The following LPGAT1 variants were observed in gnomAD, a reference collection of about 807,000 sequenced individuals.
The protein encoded by LPGAT1 is lysophosphatidylglycerol acyltransferase 1.
A neutral mutation model predicts 47.5 loss-of-function variants in LPGAT1; 11 were observed. The ratio of observed to expected loss-of-function variants is 0.23; its 90% CI spans 0.15 to 0.38. LPGAT1 has a LOEUF of 0.38. LPGAT1 is among the 10% of genes least tolerant of loss of function. LPGAT1 has a pLI of 1.00. For synonymous variants in LPGAT1, 138 were observed against 144.2 expected, an observed-to-expected ratio of 0.96 and a Z score of 0.31; for missense variants, 293 against 439.0, an observed-to-expected ratio of 0.67 and a Z score of 2.97.
Position 211,748,234 on chromosome 1 carries a change from C to T in LPGAT1, c.*1665G>A, listed in dbSNP as rs1409733699. On this transcript the variant is annotated 3_prime_UTR_variant, in exon 8 of 8. Coordinates refer to ENST00000366997, the MANE Select transcript of LPGAT1 (RefSeq NM_014873.3). ...ACTGACTTACTAGGATCTTAATAGTCTTACAATCCCAAACAAAAACCCTAC... is the reference window on the plus strand; with the variant it reads ...ACTGACTTACTAGGATCTTAATAGTTTTACAATCCCAAACAAAAACCCTAC... 1 of 152,624 alleles carries T rather than the reference C, an allele frequency of 6.6e-6. No individual in the cohort carries two copies. Among genetic ancestry groups the T allele is most frequent in the Admixed American group, 6.5e-5 (1 of 15,280 alleles). 9.5% of individuals were successfully genotyped at this position (152,624 alleles called of 1,614,324 possible). A position where few individuals can be genotyped will look rare whatever the true frequency, so the allele number is the denominator to read the frequency against.
intron 3 of LPGAT1, among the ~76,000 whole-genome samples, chr1:211,791,714 T>G (rs573870649): frequency 3.5e-4 from 47 of 132,746 alleles, no homozygotes; most frequent in African/African-American, 1.3e-3. Flanking sequence ...GCCACTGCAC[T>G]CCAGCCTGGG....
chr1:211,764,795 C>G (rs560218948), intron 6 of LPGAT1, among the ~76,000 whole-genome samples: 3 of 152,188 alleles, frequency 2.0e-5, no homozygotes, highest in Non-Finnish European at 2.9e-5. Context: ...GGTAGCAAAC[C>G]TAGGGACATA....
intron 2 of LPGAT1, among the ~76,000 whole-genome samples, chr1:211,802,792 G>C (rs925971757): frequency 7.2e-5 from 11 of 152,082 alleles, no homozygotes; most frequent in African/African-American, 2.7e-4. Context: ...ACATCAAATG[G>C]CTAGCACAGT....
At position 211,830,677 on chromosome 1, in the gene LPGAT1, C is replaced by G. The variant is rs1035149745; in HGVS notation, c.-132G>C. 1.7e-5 allele frequency: 20 copies of G among 1,191,902 alleles called. No homozygotes were observed. The African/African-American group carries it at 2.7e-4, about 16-fold the overall frequency. The allele number at this position is 1,191,902 out of a possible 1,614,324, so 73.8% of individuals were successfully genotyped here. On this transcript the variant is annotated 5_prime_UTR_variant, in exon 1 of 8. Transcript: ENST00000366997. This position sits in a 1 kb window ranked among gnomAD's most constrained non-coding sequence, Gnocchi z 5.9. ...GAAGAAGGCGGTGGCGGGGCCCTGCCCCGCTCCGGCTGTGGCGCGGCCCGC... is the reference window on the plus strand; with the variant it reads ...GAAGAAGGCGGTGGCGGGGCCCTGCGCCGCTCCGGCTGTGGCGCGGCCCGC...
chr1:211,794,148 A>G (rs1200621749), intron 2 of LPGAT1, among the ~76,000 whole-genome samples: 1 of 152,238 alleles, frequency 6.6e-6, no homozygotes, highest in Non-Finnish European at 1.5e-5. Flanking sequence ...CAGACATAAT[A>G]ATGCATACTT....
chr1:211,757,298 C>T (rs1657503010), intron 6 of LPGAT1, among the ~76,000 whole-genome samples: 1 of 151,508 alleles, frequency 6.6e-6, no homozygotes, highest in Non-Finnish European at 1.5e-5. Flanking sequence ...GGGTTGAATC[C>T]TGACTCTACC....
At chr1:211,792,752 G>C (rs187906850) in intron 3 of LPGAT1, among the ~76,000 whole-genome samples, 30 of 98,466 alleles carry the variant, frequency 3.0e-4, no homozygotes, top group Non-Finnish European at 2.2e-4. Context: ...TTGCTCTGTT[G>C]CTAGGCTGGA....
At chr1:211,750,075 G>A in intron 7 of LPGAT1, 25 bp from the exon 8 acceptor site, 1 of 1,605,228 alleles carries the variant, frequency 6.2e-7, no homozygotes, top group South Asian at 1.1e-5. Flanking sequence ...AGAAATATTA[G>A]TTTGTTTTAC....
Position 211,778,983 on chromosome 1 carries a change from T to C in LPGAT1, c.789A>G (p.Glu263=). 1 of 1,611,462 alleles carries C rather than the reference T, an allele frequency of 6.2e-7. No individual in the cohort carries two copies. The highest frequency in any genetic ancestry group is 8.5e-7 in the Non-Finnish European group (1 of 1,179,058). ...GGATCCAGGTTTGAATATCTATAGG[T>C]TCAGCTTTGGGATAAGCTATCGTTG... ...IDTTIAYPKA[E]PIDIQTWILG... is the part of the protein sequence containing the mutation. The change falls in exon 6 of 8, where the codon GAA becomes GAG. Residue 263 remains glutamate (E), a synonymous_variant. Coordinates refer to ENST00000366997, the MANE Select transcript of LPGAT1 (RefSeq NM_014873.3).
intron 6 of LPGAT1, among the ~76,000 whole-genome samples, chr1:211,752,569 A>T (rs975998671): frequency 3.4e-4 from 52 of 151,380 alleles, no homozygotes; most frequent in African/African-American, 1.2e-3. Context: ...ATTGTCCTGT[A>T]CCTAACTCAG....
chr1:211,776,409 T>A (rs754746931), intron 6 of LPGAT1, among the ~76,000 whole-genome samples: 3 of 152,006 alleles, frequency 2.0e-5, no homozygotes, highest in Non-Finnish European at 4.4e-5. Flanking sequence ...TGGTGGTATG[T>A]GCCTGTAATC....
intron 2 of LPGAT1, among the ~76,000 whole-genome samples, chr1:211,812,144 AG>A (rs905299425): frequency 1.3e-5 from 2 of 152,342 alleles, no homozygotes; most frequent in African/African-American, 4.8e-5. Flanking sequence ...TCTTCTCACT[AG>A]AAGCATTACT....
chr1:211,829,971 TA>T (rs1660672570), intron 1 of LPGAT1: 1 of 971,564 alleles, frequency 1.0e-6, no homozygotes, highest in Non-Finnish European at 1.2e-6. Flanking sequence ...AGGACAGGAG[TA>T]GGGGGAAGGG....
intron 4 of LPGAT1, among the ~76,000 whole-genome samples, chr1:211,785,721 C>T (rs1325880748): frequency 6.6e-6 from 1 of 151,960 alleles, no homozygotes; most frequent in Non-Finnish European, 1.5e-5. Context: ...ATTCTCCTGC[C>T]TCAGCCTCCC....
At chr1:211,817,258 T>C (rs1660205489) in intron 2 of LPGAT1, among the ~76,000 whole-genome samples, 2 of 152,198 alleles carry the variant, frequency 1.3e-5, no homozygotes, top group Admixed American at 6.5e-5. Context: ...ATGCAGTTCA[T>C]AACGAACTCA....
chr1:211,755,201 G>A (rs1202918031), intron 6 of LPGAT1, among the ~76,000 whole-genome samples: 1 of 151,908 alleles, frequency 6.6e-6, no homozygotes, highest in Non-Finnish European at 1.5e-5. Context: ...AGCCAGGTGT[G>A]GCAGCATGCG....
At chr1:211,762,213 C>G (rs1657728565) in intron 6 of LPGAT1, among the ~76,000 whole-genome samples, 1 of 128,152 alleles carries the variant, frequency 7.8e-6, no homozygotes, top group African/African-American at 2.5e-5. Context: ...AAAAATAAAG[C>G]TGAATTAAAG....
At chr1:211,756,621 T>C (rs1432469807) in intron 6 of LPGAT1, among the ~76,000 whole-genome samples, 2 of 152,220 alleles carry the variant, frequency 1.3e-5, no homozygotes, top group Non-Finnish European at 2.9e-5. Context: ...TGAGCCACTG[T>C]GCTCAGTCAA....
At chr1:211,786,723 A>T (rs1658892412) in intron 4 of LPGAT1, among the ~76,000 whole-genome samples, 8 of 152,184 alleles carry the variant, frequency 5.3e-5, no homozygotes, top group Admixed American at 5.2e-4. Context: ...TTTTCCTACT[A>T]TGAATTCCCA....
Sources: allele counts gnomAD v4.1 joint callset (sites outside exome capture counted in the v4.1 genomes callset), GRCh38; gene constraint gnomAD v4.1.1; non-coding constraint Gnocchi (gnomAD v3.1); transcripts MANE v1.5; gene names NCBI Gene and HGNC (gene_info 2026-07-23, HGNC 2026-07-21).